Variants in MAGI2 observed in about 807,000 individuals in gnomAD.
The protein encoded by MAGI2 is membrane associated guanylate kinase, WW and PDZ domain containing 2.
A neutral mutation model predicts 133.3 loss-of-function variants in MAGI2; 35 were observed. That is an observed-to-expected ratio of 0.26 (90% confidence interval 0.20 to 0.35). The LOEUF (loss-of-function observed/expected upper bound fraction) is 0.35, where lower values mean the gene tolerates loss of function less well. Ranked by LOEUF, MAGI2 falls within the 10% of genes least tolerant of loss-of-function variation. The pLI is 1.00. For missense variants in MAGI2, 1,636 were observed against 1,863.4 expected, an observed-to-expected ratio of 0.88 and a Z score of 2.25; for synonymous variants, 729 against 710.6, an observed-to-expected ratio of 1.03 and a Z score of -0.41.
intron 2 of MAGI2, among the ~76,000 whole-genome samples, chr7:78,743,568 C>A (rs1248523008): frequency 6.6e-6 from 1 of 152,160 alleles, no homozygotes; most frequent in Non-Finnish European, 1.5e-5. Flanking sequence ...ATTTCTTCTA[C>A]TGGACTGTAA....
chr7:78,787,078 G>A (rs1826888408), intron 2 of MAGI2, among the ~76,000 whole-genome samples: 1 of 151,958 alleles, frequency 6.6e-6, no homozygotes, highest in Non-Finnish European at 1.5e-5. Context: ...CTCCCGAGTA[G>A]CTGGGATTAC....
chr7:78,170,082 T>C (rs969323337), intron 14 of MAGI2: 1 of 152,226 alleles, frequency 6.6e-6, no homozygotes, highest in Non-Finnish European at 1.5e-5. Context: ...AGCTTTCCGA[T>C]ACACTTTAGT....
chr7:78,515,819 A>G (rs1160368689), intron 4 of MAGI2, among the ~76,000 whole-genome samples: 1 of 152,124 alleles, frequency 6.6e-6, no homozygotes, highest in Non-Finnish European at 1.5e-5. Flanking sequence ...GAATGGCTTG[A>G]ACACGGGAAG....
chr7:78,217,633 G>T (rs190782677), intron 10 of MAGI2, among the ~76,000 whole-genome samples: 1 of 152,322 alleles, frequency 6.6e-6, no homozygotes, highest in Non-Finnish European at 1.5e-5. Context: ...GCAACAGGGA[G>T]ATGGCAGAAC....
intron 6 of MAGI2, among the ~76,000 whole-genome samples, chr7:78,477,824 G>A (rs1791936517): frequency 6.6e-6 from 1 of 151,832 alleles, no homozygotes. Flanking sequence ...ATATTGATCT[G>A]CCTATTTACT....
intron 1 of MAGI2, chr7:79,353,612 A>G: frequency 2.5e-6 from 1 of 406,302 alleles, no homozygotes; most frequent in South Asian, 1.8e-5. Context: ...CTCTTTCACA[A>G]GGAGCAGGTG....
At chr7:79,103,786 G>A (rs1380353113) in intron 1 of MAGI2, among the ~76,000 whole-genome samples, 1 of 151,886 alleles carries the variant, frequency 6.6e-6, no homozygotes, top group Non-Finnish European at 1.5e-5. Context: ...TGCAAGCTCC[G>A]CCTCCCGGGT....
intron 20 of MAGI2, among the ~76,000 whole-genome samples, chr7:78,085,712 C>G (rs1459438728): frequency 6.6e-6 from 1 of 152,060 alleles, no homozygotes; most frequent in African/African-American, 2.4e-5. Context: ...TGCCTAAGCA[C>G]ATAACCTGCT....
intron 2 of MAGI2, among the ~76,000 whole-genome samples, chr7:78,994,911 C>G (rs1486066813): frequency 6.6e-6 from 1 of 152,016 alleles, no homozygotes; most frequent in Non-Finnish European, 1.5e-5. Context: ...GGATGAAGAA[C>G]TGGGGACTCT....
chr7:79,234,865 G>A (rs1377436681), intron 1 of MAGI2, among the ~76,000 whole-genome samples: 2 of 151,620 alleles, frequency 1.3e-5, no homozygotes, highest in Non-Finnish European at 1.5e-5. Flanking sequence ...AGGAGGAGAG[G>A]CGCTCTGCGT....
At chr7:78,614,612 A>G (rs941404530) in intron 3 of MAGI2, 6 of 152,310 alleles carry the variant, frequency 3.9e-5, no homozygotes, top group Non-Finnish European at 5.9e-5. Flanking sequence ...TGTTTTAGGC[A>G]TGTAAGAACA....
At chr7:79,145,297 C>A (rs1188873136) in intron 1 of MAGI2, among the ~76,000 whole-genome samples, 2 of 152,142 alleles carry the variant, frequency 1.3e-5, no homozygotes, top group Non-Finnish European at 2.9e-5. Flanking sequence ...TTATAAAAAT[C>A]TTCCACATAT....
intron 20 of MAGI2, among the ~76,000 whole-genome samples, chr7:78,089,229 TTC>T (rs894279141): frequency 7.2e-5 from 11 of 152,236 alleles, no homozygotes; most frequent in Non-Finnish European, 1.6e-4. Flanking sequence ...CTAATGTACT[TTC>T]TCTCTTTCTG....
chr7:78,743,811 A>G (rs1329092346), intron 2 of MAGI2, among the ~76,000 whole-genome samples: 1 of 152,192 alleles, frequency 6.6e-6, no homozygotes, highest in Non-Finnish European at 1.5e-5. Context: ...TTTAATCTCC[A>G]TACTGAACAG....
intron 1 of MAGI2, among the ~76,000 whole-genome samples, chr7:79,383,139 G>A (rs932437446): frequency 6.6e-6 from 1 of 151,606 alleles, no homozygotes; most frequent in Non-Finnish European, 1.5e-5. Context: ...AGGACCATTG[G>A]TGGCTTTTTC....
chr7:79,032,855 T>C (rs1457911921), intron 1 of MAGI2, among the ~76,000 whole-genome samples: 3 of 125,708 alleles, frequency 2.4e-5, no homozygotes, highest in Non-Finnish European at 5.0e-5. Context: ...CTGAAATCAC[T>C]GTAACATTTC....
At chr7:78,344,594 T>A (rs746103117) in intron 8 of MAGI2, among the ~76,000 whole-genome samples, 4 of 152,208 alleles carry the variant, frequency 2.6e-5, no homozygotes, top group African/African-American at 4.8e-5. Context: ...TGCTCTATTG[T>A]GAGATACTAT....
chr7:79,235,246 T>C (rs984743739), intron 1 of MAGI2, among the ~76,000 whole-genome samples: 4 of 152,196 alleles, frequency 2.6e-5, no homozygotes, highest in African/African-American at 9.7e-5. Context: ...GCTGTTTTTT[T>C]GTTTGTCTGT....
At chr7:78,044,354 A>T (rs1321462295) in intron 21 of MAGI2, among the ~76,000 whole-genome samples, 1 of 152,244 alleles carries the variant, frequency 6.6e-6, no homozygotes, top group African/African-American at 2.4e-5. Flanking sequence ...TGAGGAAGAC[A>T]GGTCAGTTGC....
Sources: gnomAD v4.1 joint callset for allele counts (sites outside exome capture counted in the v4.1 genomes callset) on GRCh38, gnomAD v4.1.1 for gene constraint, MANE v1.5 for transcripts, NCBI Gene and HGNC (gene_info 2026-07-23, HGNC 2026-07-21) for gene names.